PTPRD: variants seen among roughly 807,000 people sequenced by gnomAD.
PTPRD encodes the protein receptor-type tyrosine-protein phosphatase delta.
A neutral mutation model predicts 214.5 loss-of-function variants in PTPRD; 34 were observed. The ratio of observed to expected loss-of-function variants is 0.16; its 90% CI spans 0.12 to 0.21. PTPRD has a LOEUF of 0.21. Ranked by LOEUF, PTPRD falls within the 10% of genes least tolerant of loss-of-function variation. The pLI, the probability that PTPRD is intolerant of heterozygous loss-of-function variation, is 1.00. For synonymous variants in PTPRD, 1,128 were observed against 845.7 expected (o/e 1.33, Z -5.79); for missense variants, 2,545 against 2,398.7 (o/e 1.06, Z -1.27).
chr9:10,440,171 C>G (rs1217615253), intron 2 of PTPRD, among the ~76,000 whole-genome samples: 1 of 151,452 alleles, frequency 6.6e-6, no homozygotes, highest in Non-Finnish European at 1.5e-5. Flanking sequence ...ATGTACTTTA[C>G]TAGAATTATC....
At chr9:9,053,254 T>C (rs1423741469) in intron 10 of PTPRD, among the ~76,000 whole-genome samples, 1 of 152,094 alleles carries the variant, frequency 6.6e-6, no homozygotes, top group African/African-American at 2.4e-5. Context: ...GGGCTCAGAG[T>C]CCAAGTTTAG....
At chr9:8,810,944 A>G (rs964150367) in intron 11 of PTPRD, among the ~76,000 whole-genome samples, 1 of 152,080 alleles carries the variant, frequency 6.6e-6, no homozygotes, top group African/African-American at 2.4e-5. Context: ...TAATTCCACT[A>G]CACTTTCCAA....
At chr9:10,449,241 G>A (rs534405023) in intron 2 of PTPRD, among the ~76,000 whole-genome samples, 11 of 151,994 alleles carry the variant, frequency 7.2e-5, no homozygotes, top group South Asian at 2.1e-4. Flanking sequence ...AGGTTTCGCC[G>A]CGTTGGCCGG....
chr9:10,300,832 G>A (rs534353972), intron 3 of PTPRD, among the ~76,000 whole-genome samples: 26 of 152,184 alleles, frequency 1.7e-4, no homozygotes, highest in East Asian at 5.8e-4. Context: ...GCGGCTGTGG[G>A]TGCAGCTTCA....
intron 9 of PTPRD, among the ~76,000 whole-genome samples, chr9:9,321,379 A>C: frequency 6.6e-6 from 1 of 152,076 alleles, no homozygotes. Flanking sequence ...AATATGGTGA[A>C]ACCCCATCTC....
rs370886662 is a variant in PTPRD, at chr9:9,826,637, T to C, written c.-367-59786A>G. On this transcript the variant is annotated intron_variant, in intron 5 of 45. Coordinates refer to ENST00000381196, the MANE Select transcript of PTPRD (RefSeq NM_002839.4). ...GTACTCATAGTATACTTAGTGTCCT[T>C]AGTAGTGATATTCTCTTATAAAACT... 4.6e-5 allele frequency among the ~76,000 whole-genome samples: 7 copies of C among 152,130 alleles called. No homozygotes were observed. The East Asian group carries it at 9.7e-4, about 21-fold the overall frequency.
chr9:10,430,054 CT>C (rs2098663002), intron 2 of PTPRD, among the ~76,000 whole-genome samples: 1 of 151,818 alleles, frequency 6.6e-6, no homozygotes, highest in African/African-American at 2.4e-5. Flanking sequence ...TATATAATAG[CT>C]TATGTTCTAT....
At chr9:10,335,525 A>G (rs1211574878) in intron 3 of PTPRD, among the ~76,000 whole-genome samples, 3 of 151,768 alleles carry the variant, frequency 2.0e-5, no homozygotes, top group African/African-American at 7.2e-5. Flanking sequence ...AATGTAGATG[A>G]TCTTGGGTTT....
intron 8 of PTPRD, among the ~76,000 whole-genome samples, chr9:9,471,061 A>G (rs2094553294): frequency 6.6e-6 from 1 of 152,224 alleles, no homozygotes; most frequent in Non-Finnish European, 1.5e-5. Context: ...GGGGTCTAAC[A>G]GAACTGATAA....
intron 14 of PTPRD, among the ~76,000 whole-genome samples, chr9:8,587,678 T>G (rs79422809): frequency 2.6e-5 from 4 of 152,334 alleles, no homozygotes; most frequent in African/African-American, 9.6e-5. Context: ...TGCTTAGGTA[T>G]GAAATATCTG....
chr9:9,520,856 G>T (rs999112379), intron 8 of PTPRD, among the ~76,000 whole-genome samples: 1 of 152,058 alleles, frequency 6.6e-6, no homozygotes, highest in African/African-American at 2.4e-5. Flanking sequence ...ATCTCAGCAG[G>T]CAGCAAGCAG....
chr9:10,443,112 T>C (rs923707101), intron 2 of PTPRD, among the ~76,000 whole-genome samples: 5 of 149,380 alleles, frequency 3.3e-5, no homozygotes. Context: ...AAGGCCTGGA[T>C]GGTGTTTGTG....
chr9:10,423,002 A>G (rs1249905926), intron 2 of PTPRD, among the ~76,000 whole-genome samples: 1 of 152,122 alleles, frequency 6.6e-6, no homozygotes, highest in Admixed American at 6.6e-5. Flanking sequence ...AGACACATGC[A>G]CACATATGTT....
At chr9:9,606,171 T>G (rs1204827694) in intron 7 of PTPRD, among the ~76,000 whole-genome samples, 1 of 152,048 alleles carries the variant, frequency 6.6e-6, no homozygotes. Flanking sequence ...AATAAGAAAA[T>G]GTAGGTGTCA....
At chr9:9,453,661 A>G (rs532856458) in intron 8 of PTPRD, among the ~76,000 whole-genome samples, 1 of 151,896 alleles carries the variant, frequency 6.6e-6, no homozygotes, top group East Asian at 1.9e-4. Flanking sequence ...GTTCTCTTCA[A>G]TAGCTTACAA....
intron 8 of PTPRD, among the ~76,000 whole-genome samples, chr9:9,403,997 G>C (rs2072099256): frequency 6.6e-6 from 1 of 152,056 alleles, no homozygotes; most frequent in African/African-American, 2.4e-5. Context: ...TAAGAAGACA[G>C]AATGTTTATG....
intron 3 of PTPRD, among the ~76,000 whole-genome samples, chr9:10,141,550 T>G (rs1388738909): frequency 6.6e-6 from 1 of 152,082 alleles, no homozygotes; most frequent in African/African-American, 2.4e-5. Context: ...ACAAGGGATG[T>G]GAAGGACCTC....
At chr9:10,221,596 T>G (rs150758310) in intron 3 of PTPRD, among the ~76,000 whole-genome samples, 201 of 152,132 alleles carry the variant, frequency 1.3e-3, no homozygotes, top group African/African-American at 4.7e-3. Flanking sequence ...ATGAATACAT[T>G]AAAAATAATA....
chr9:8,342,327 A>AAGAT (rs1197059669), intron 39 of PTPRD, among the ~76,000 whole-genome samples: 1 of 152,114 alleles, frequency 6.6e-6, no homozygotes, highest in Non-Finnish European at 1.5e-5. Context: ...CCATATTTAG[A>AAGAT]AGATAGTTTT....
Sources: gnomAD v4.1 joint callset for allele counts (sites outside exome capture counted in the v4.1 genomes callset) on GRCh38, gnomAD v4.1.1 for gene constraint, MANE v1.5 for transcripts, NCBI Gene and HGNC (gene_info 2026-07-23, HGNC 2026-07-21) for gene names.